Variants in GPHN observed in about 807,000 individuals in gnomAD.
GPHN encodes the protein gephyrin.
A neutral mutation model predicts 95.5 loss-of-function variants in GPHN; 17 were observed. The observed-to-expected ratio is 0.18, with a 90% CI of 0.12 to 0.27. The LOEUF (loss-of-function observed/expected upper bound fraction) is 0.27, where lower values mean the gene tolerates loss of function less well. Among genes scored for constraint, GPHN ranks in the 10% least tolerant of loss-of-function variants. The pLI is 1.00. For synonymous variants in GPHN, 320 were observed against 322.5 expected, an observed-to-expected ratio of 0.99 and a Z score of 0.08; for missense variants, 660 against 978.1, an observed-to-expected ratio of 0.67 and a Z score of 4.34.
chr14:66,684,723 C>T (rs149510013), intron 2 of GPHN, among the ~76,000 whole-genome samples: 77 of 150,708 alleles, frequency 5.1e-4, no homozygotes, highest in African/African-American at 1.7e-3. Context: ...CTAAGCAAGA[C>T]TTTCTGGTCT....
At chr14:67,093,663 C>G (rs112051550) in intron 12 of GPHN, among the ~76,000 whole-genome samples, 6 of 152,196 alleles carry the variant, frequency 3.9e-5, no homozygotes, top group African/African-American at 1.4e-4. Flanking sequence ...GGCATTTTCC[C>G]TGGAAGATAA....
rs2072168168 is a variant in GPHN, at chr14:67,000,851, A to G, written c.964-22782A>G. On this transcript the variant is annotated intron_variant, in intron 9 of 22. Coordinates refer to ENST00000478722, the MANE Select transcript of GPHN (RefSeq NM_020806.5). ...GGATATTTGATATATCCATCTAATT[A>G]AAGCATTCTTTAAAAAGAATTGAGA... Among the ~76,000 whole-genome samples the G allele has an allele frequency of 1.3e-5, 2 of 151,720 alleles. 1 individual carries two copies. Among genetic ancestry groups the G allele is most frequent in the South Asian group, 4.1e-4 (2 of 4,834 alleles).
the GPHN span, among the ~76,000 whole-genome samples, chr14:67,713,397 CAAAAAAAAAAAAAAA>C: frequency 6.3e-4 from 30 of 47,658 alleles, no homozygotes; most frequent in South Asian, 1.2e-3. Context: ...AGTAAAACTC[CAAAAAAAAAAAAAAA>C]AAAAAAAAAA....
intron 5 of GPHN, among the ~76,000 whole-genome samples, chr14:66,889,814 T>A (rs1036287735): frequency 2.7e-5 from 4 of 150,190 alleles, no homozygotes; most frequent in African/African-American, 9.8e-5. Flanking sequence ...ATAGAGAAAA[T>A]CAACTAAGCT....
intron 22 of GPHN, 128 bp from the exon 23 acceptor site, chr14:67,180,676 A>T (rs527377428): frequency 3.6e-6 from 3 of 828,440 alleles, no homozygotes; most frequent in African/African-American, 1.7e-5. Flanking sequence ...GGTACTGGAA[A>T]GTTTGATCAT....
At chr14:67,053,262 T>TA (rs2075396248) in intron 10 of GPHN, among the ~76,000 whole-genome samples, 1 of 119,984 alleles carries the variant, frequency 8.3e-6, no homozygotes, top group African/African-American at 3.3e-5. Context: ...ATAGACACAA[T>TA]AAAAAATGAT....
intron 11 of GPHN, among the ~76,000 whole-genome samples, chr14:67,081,175 G>A (rs1419037044): frequency 6.6e-6 from 1 of 152,140 alleles, no homozygotes; most frequent in African/African-American, 2.4e-5. Flanking sequence ...AGTTCTTTAA[G>A]GAATCTCCAC....
intron 2 of GPHN, among the ~76,000 whole-genome samples, chr14:66,691,698 T>C (rs1274044580): frequency 6.6e-6 from 1 of 152,160 alleles, no homozygotes; most frequent in Admixed American, 6.5e-5. Flanking sequence ...TATTATCCAG[T>C]CGTTTACAGA....
chr14:67,557,530 C>T, the GPHN span: 1 of 881,014 alleles, frequency 1.1e-6, no homozygotes, highest in Non-Finnish European at 1.7e-6. Flanking sequence ...AACTCGCTCC[C>T]TCCTGAGCCT....
chr14:67,083,237 C>G (rs529195574), intron 11 of GPHN, among the ~76,000 whole-genome samples: 6 of 151,996 alleles, frequency 3.9e-5, no homozygotes, highest in Admixed American at 1.3e-4. Flanking sequence ...ATGCCCCCCC[C>G]CCTCCAAATC....
the GPHN span, chr14:67,647,076 T>G: frequency 1.8e-6 from 2 of 1,131,796 alleles, no homozygotes; most frequent in South Asian, 2.5e-5. Context: ...GCAACACACT[T>G]TTAGCCTGTT....
At chr14:67,387,299 G>A in the GPHN span, 3 of 1,591,652 alleles carry the variant, frequency 1.9e-6, no homozygotes, top group Admixed American at 3.7e-5. Flanking sequence ...TCTGGTAGGA[G>A]GGAGGAATCC....
At chr14:66,610,719 G>C (rs192363080) in intron 1 of GPHN, among the ~76,000 whole-genome samples, 1 of 152,264 alleles carries the variant, frequency 6.6e-6, no homozygotes, top group Admixed American at 6.5e-5. Context: ...ACTGACATGG[G>C]ATTTTACAGT....
the GPHN span, among the ~76,000 whole-genome samples, chr14:67,491,852 G>A: frequency 2.0e-5 from 3 of 152,232 alleles, no homozygotes; most frequent in African/African-American, 7.2e-5. Context: ...GAAAGCCTGT[G>A]TCTGTCCAGC....
chr14:66,545,589 G>A (rs2059542924), intron 1 of GPHN, among the ~76,000 whole-genome samples: 1 of 132,520 alleles, frequency 7.5e-6, no homozygotes, highest in African/African-American at 3.4e-5. Context: ...CCCGGACGGG[G>A]CGGCTGGCCG....
chr14:66,984,192 A>C (rs1417915310), intron 9 of GPHN, among the ~76,000 whole-genome samples: 1 of 152,214 alleles, frequency 6.6e-6, no homozygotes, highest in Non-Finnish European at 1.5e-5. Context: ...CTCTACCTTT[A>C]TAATCTAGAT....
chr14:67,577,910 G>C, the GPHN span: 1 of 888,514 alleles, frequency 1.1e-6, no homozygotes, highest in Non-Finnish European at 1.7e-6. Context: ...CTCTTAGAAA[G>C]GGCTGTCAGT....
the GPHN span, among the ~76,000 whole-genome samples, chr14:67,341,892 C>T: frequency 6.6e-6 from 1 of 152,024 alleles, no homozygotes; most frequent in African/African-American, 2.4e-5. Context: ...TACCCCCAAC[C>T]CTGTGCTCTC....
chr14:66,542,394 T>C (rs948355813), intron 1 of GPHN, among the ~76,000 whole-genome samples: 3 of 152,158 alleles, frequency 2.0e-5, no homozygotes, highest in African/African-American at 7.2e-5. Flanking sequence ...ATGATTTTGG[T>C]TCCTACCTCA....
Sources: gnomAD v4.1 joint callset for allele counts (sites outside exome capture counted in the v4.1 genomes callset) on GRCh38, gnomAD v4.1.1 for gene constraint, MANE v1.5 for transcripts, NCBI Gene and HGNC (gene_info 2026-07-23, HGNC 2026-07-21) for gene names.